Variants in ANK3 observed in about 807,000 individuals in gnomAD.
The protein encoded by ANK3 is ankyrin 3.
ANK3 carries 57 observed loss-of-function variants against 370.9 expected under a neutral mutation model. That is an observed-to-expected ratio of 0.15 (90% confidence interval 0.12 to 0.19). The LOEUF is 0.19. ANK3 is among the 10% of genes least tolerant of loss of function. The pLI is 1.00. For missense variants in ANK3, 4,439 were observed against 5,302.1 expected (o/e 0.84, Z 5.06); for synonymous variants, 1,929 against 1,946.3 (o/e 0.99, Z 0.23).
intron 1 of ANK3, among the ~76,000 whole-genome samples, chr10:60,354,722 C>T (rs2057451311): frequency 6.6e-6 from 1 of 152,174 alleles, no homozygotes; most frequent in South Asian, 2.1e-4. Flanking sequence ...AGATAAGATG[C>T]AAGTTGTGTT....
At chr10:60,119,033 C>G (rs1470774982) in intron 25 of ANK3, among the ~76,000 whole-genome samples, 1 of 152,142 alleles carries the variant, frequency 6.6e-6, no homozygotes, top group African/African-American at 2.4e-5. Context: ...TTGATCAAAA[C>G]AATGAGCTAT....
chr10:60,649,686 A>C (rs2133360853), intron 1 of ANK3, among the ~76,000 whole-genome samples: 1 of 152,312 alleles, frequency 6.6e-6, no homozygotes, highest in East Asian at 1.9e-4. Context: ...GTGCCTTAGG[A>C]GAGAGCTTTT....
At chr10:60,568,588 G>C (rs935607379) in intron 2 of ANK3, among the ~76,000 whole-genome samples, 1 of 152,168 alleles carries the variant, frequency 6.6e-6, no homozygotes, top group African/African-American at 2.4e-5. Context: ...GTAATTGAAG[G>C]CTCTCCCCTA....
intron 2 of ANK3, among the ~76,000 whole-genome samples, chr10:60,569,775 T>G (rs1183062834): frequency 2.6e-5 from 4 of 152,308 alleles, no homozygotes; most frequent in Middle Eastern, 3.4e-3. Flanking sequence ...TTAAAGGCCA[T>G]TTTAAGATAG....
chr10:60,390,763 C>A (rs1566994017), upstream of ANK3, among the ~76,000 whole-genome samples: 3 of 103,200 alleles, frequency 2.9e-5, no homozygotes, highest in African/African-American at 1.0e-4. Context: ...CACACACACA[C>A]ACAAACAACA....
chr10:60,390,324 G>A (rs994219157), upstream of ANK3, among the ~76,000 whole-genome samples: 2 of 152,232 alleles, frequency 1.3e-5, no homozygotes, highest in East Asian at 1.9e-4. Flanking sequence ...ACAGAAAGAC[G>A]TGAGCATATT....
At chr10:60,238,738 C>T (rs1287511965) in intron 7 of ANK3, among the ~76,000 whole-genome samples, 1 of 152,100 alleles carries the variant, frequency 6.6e-6, no homozygotes, top group African/African-American at 2.4e-5. Context: ...GAATCTGAAG[C>T]CTGAAACAAA....
chr10:60,486,672 C>A (rs185237573), intron 2 of ANK3, among the ~76,000 whole-genome samples: 18 of 152,258 alleles, frequency 1.2e-4, no homozygotes, highest in Admixed American at 1.0e-3. Context: ...TGATTTTATT[C>A]TCCAATCCCT....
chr10:60,584,868 A>G (rs1006572851), intron 2 of ANK3, among the ~76,000 whole-genome samples: 2 of 152,156 alleles, frequency 1.3e-5, no homozygotes, highest in Non-Finnish European at 2.9e-5. Flanking sequence ...TGCCAGAGCC[A>G]AGCAAAGGGC....
chr10:60,381,730 C>G (rs1049710080), intron 1 of ANK3, among the ~76,000 whole-genome samples: 3 of 152,142 alleles, frequency 2.0e-5, no homozygotes, highest in Non-Finnish European at 4.4e-5. Flanking sequence ...CTGGCAAATG[C>G]ATTTATTTGC....
chr10:60,279,170 G>T, intron 2 of ANK3, 22 bp from the exon 3 acceptor site: 3 of 1,603,962 alleles, frequency 1.9e-6, no homozygotes, highest in African/African-American at 1.3e-5. Context: ...TAAAGGAAAA[G>T]CTCTACTCAG....
At chr10:60,102,227 C>G (rs539520012) in intron 28 of ANK3, among the ~76,000 whole-genome samples, 6 of 150,506 alleles carry the variant, frequency 4.0e-5, no homozygotes, top group Non-Finnish European at 5.9e-5. Context: ...GTCTTACAGG[C>G]CAGTGTCAGG....
intron 1 of ANK3, chr10:60,684,778 T>G: frequency 1.9e-6 from 3 of 1,557,604 alleles, no homozygotes; most frequent in Non-Finnish European, 2.6e-6. Flanking sequence ...ATATACCAGA[T>G]GCACAGATGG....
At chr10:60,473,678 G>A (rs946957964) in intron 2 of ANK3, among the ~76,000 whole-genome samples, 1 of 152,116 alleles carries the variant, frequency 6.6e-6, no homozygotes, top group African/African-American at 2.4e-5. Flanking sequence ...TAGGCTTGGG[G>A]TGAGGAGATT....
intron 13 of ANK3, 72 bp from the exon 14 acceptor site, chr10:60,198,609 A>G: frequency 1.5e-6 from 2 of 1,378,430 alleles, no homozygotes; most frequent in Non-Finnish European, 2.1e-6. Context: ...AAATTCAGGG[A>G]ATATTAGCTG....
chr10:60,113,815 T>C (rs1239636536), intron 26 of ANK3, among the ~76,000 whole-genome samples: 1 of 152,226 alleles, frequency 6.6e-6, no homozygotes, highest in African/African-American at 2.4e-5. Flanking sequence ...CTTACATATT[T>C]AATTTTCTAT....
intron 18 of ANK3, among the ~76,000 whole-genome samples, chr10:60,177,593 CTTTTTTT>C (rs771714886): frequency 2.6e-4 from 28 of 106,288 alleles, no homozygotes; most frequent in Non-Finnish European, 4.3e-4. Flanking sequence ...GTCTTCAAAT[CTTTTTTT>C]TTTTTTTTTT....
At chr10:60,149,493 T>A (rs1565320999) in intron 23 of ANK3, among the ~76,000 whole-genome samples, 1 of 152,244 alleles carries the variant, frequency 6.6e-6, no homozygotes, top group Non-Finnish European at 1.5e-5. Flanking sequence ...AACAGCCTGT[T>A]GTTTGCAGTT....
At chr10:60,358,673 C>T (rs566247983) in intron 1 of ANK3, among the ~76,000 whole-genome samples, 1 of 152,318 alleles carries the variant, frequency 6.6e-6, no homozygotes, top group South Asian at 2.1e-4. Flanking sequence ...GATGTAGCTA[C>T]AGCTGGCTGC....
Sources: gnomAD v4.1 joint callset for allele counts (sites outside exome capture counted in the v4.1 genomes callset) on GRCh38, gnomAD v4.1.1 for gene constraint, MANE v1.5 for transcripts, NCBI Gene and HGNC (gene_info 2026-07-23, HGNC 2026-07-21) for gene names.